The following CHMP3 variants were observed in gnomAD, a reference collection of about 807,000 sequenced individuals.
The protein encoded by CHMP3 is charged multivesicular body protein 3.
A neutral mutation model predicts 27.4 loss-of-function variants in CHMP3; 8 were observed. That is an observed-to-expected ratio of 0.29 (90% CI 0.17 to 0.53). CHMP3 has a LOEUF of 0.53. Among genes scored for constraint, CHMP3 ranks in the 20% least tolerant of loss-of-function variants. The probability of loss-of-function intolerance (pLI) is 0.96; values close to 1 mark genes in which losing one functional copy is unlikely to be tolerated. For synonymous variants in CHMP3, 86 were observed against 85.5 expected (o/e 1.01, Z -0.03); for missense variants, 208 against 271.5 (o/e 0.77, Z 1.64).
intron 3 of CHMP3, among the ~76,000 whole-genome samples, chr2:86,517,978 C>T (rs945720767): frequency 1.3e-5 from 2 of 152,138 alleles, no homozygotes; most frequent in African/African-American, 2.4e-5. Flanking sequence ...CATGATCACA[C>T]CACTGCACTC....
At chr2:86,535,353 T>C (rs1676084978) in intron 2 of CHMP3, among the ~76,000 whole-genome samples, 1 of 152,174 alleles carries the variant, frequency 6.6e-6, no homozygotes, top group Non-Finnish European at 1.5e-5. Context: ...TGTCCCTTAT[T>C]TCCTGCATTA....
chr2:86,551,131 T>C (rs1676889668), intron 1 of CHMP3, among the ~76,000 whole-genome samples: 1 of 152,214 alleles, frequency 6.6e-6, no homozygotes, highest in African/African-American at 2.4e-5. Context: ...TTAACTAATC[T>C]TAATTAATCC....
At chr2:86,512,794 T>C (rs1675154492) in intron 3 of CHMP3, among the ~76,000 whole-genome samples, 1 of 152,224 alleles carries the variant, frequency 6.6e-6, no homozygotes, top group Non-Finnish European at 1.5e-5. Context: ...ACATCTTATG[T>C]CATTTGGGGA....
rs1364842745 is a variant in CHMP3, at chr2:86,505,944, A to G, written c.529T>C (p.Leu177=). The G allele has an allele frequency of 1.9e-6, 3 of 1,561,474 alleles. No homozygotes were observed. The highest frequency in any genetic ancestry group is 1.2e-5 in the South Asian group (1 of 84,620). ...RILFEITAGA[L]GKAPSKVTDA... ...GTCACTTTACTGGGTGCTTTGCCCA[A>G]GGCCCCTGAAAAGAAAGAGCAAAGA... Residue 177 remains leucine (L), a synonymous_variant, in exon 6 of 6, where the codon TTG becomes CTG. Coordinates refer to ENST00000263856, the MANE Select transcript of CHMP3 (RefSeq NM_016079.4).
intron 1 of CHMP3, chr2:86,562,737 C>T (rs1677424125): frequency 6.6e-6 from 1 of 152,346 alleles, no homozygotes; most frequent in African/African-American, 2.4e-5. Flanking sequence ...CCAGAGCTAT[C>T]TTCTGTAACA....
chr2:86,507,797 T>C (rs540746115), intron 4 of CHMP3, among the ~76,000 whole-genome samples: 1 of 152,208 alleles, frequency 6.6e-6, no homozygotes, highest in African/African-American at 2.4e-5. Flanking sequence ...CTCTCTAAAT[T>C]TAACACCCTA....
rs752135260 is a variant in CHMP3 at position 86,507,621 on chromosome 2, T to G, written c.409-28A>C. 1.9e-6 allele frequency: 3 copies of G among 1,599,758 alleles called. No individual in the cohort carries two copies. In the East Asian group the frequency reaches 6.7e-5, roughly 36 times the overall value. ...AAACAGAATAAATATGTCACTTCGG[T>G]CAACTGTTAAATCTGTTCCCATCAG... On this transcript the variant is annotated intron_variant, in intron 4 of 5. Coordinates refer to ENST00000263856, the MANE Select transcript of CHMP3 (RefSeq NM_016079.4).
intron 2 of CHMP3, among the ~76,000 whole-genome samples, chr2:86,532,346 ATCTT>A: frequency 6.6e-6 from 1 of 152,160 alleles, no homozygotes; most frequent in African/African-American, 2.4e-5. Context: ...TTTTTGAAAA[ATCTT>A]TAGGGTATTA....
chr2:86,511,653 T>G (rs1261259280), intron 3 of CHMP3: 2 of 152,034 alleles, frequency 1.3e-5, no homozygotes, highest in Non-Finnish European at 2.9e-5. Context: ...CCATCCAGTT[T>G]TGTTTATAAA....
At chr2:86,514,778 C>T (rs1322784756) in intron 3 of CHMP3, among the ~76,000 whole-genome samples, 1 of 152,114 alleles carries the variant, frequency 6.6e-6, no homozygotes, top group Non-Finnish European at 1.5e-5. Context: ...AAGACTAGAG[C>T]ATTCAAAGTA....
chr2:86,526,199 AAG>A (rs1382874029), intron 3 of CHMP3, among the ~76,000 whole-genome samples: 1 of 152,256 alleles, frequency 6.6e-6, no homozygotes, highest in African/African-American at 2.4e-5. Context: ...TGTATGATAA[AAG>A]AGTTTTTGCA....
intron 5 of CHMP3, 66 bp from the exon 6 acceptor site, chr2:86,506,015 C>T: frequency 6.9e-7 from 1 of 1,443,956 alleles, no homozygotes; most frequent in Non-Finnish European, 9.2e-7. Flanking sequence ...ATCTTCCCTG[C>T]CTTTCATTCC....
chr2:86,515,905 C>T (rs1438365950), intron 3 of CHMP3, among the ~76,000 whole-genome samples: 4 of 151,862 alleles, frequency 2.6e-5, no homozygotes, highest in Non-Finnish European at 5.9e-5. Context: ...CCCCTGTAAT[C>T]CCAATACTTT....
chr2:86,531,175 T>G (rs1446806363), intron 2 of CHMP3, among the ~76,000 whole-genome samples: 1 of 151,944 alleles, frequency 6.6e-6, no homozygotes, highest in Non-Finnish European at 1.5e-5. Context: ...GTACAATTTT[T>G]CTTTTTCTTT....
intron 3 of CHMP3, among the ~76,000 whole-genome samples, chr2:86,524,466 C>G (rs896640157): frequency 2.6e-5 from 4 of 152,108 alleles, no homozygotes; most frequent in Non-Finnish European, 5.9e-5. Flanking sequence ...GTACCAAACA[C>G]GTATAAGCTT....
intron 1 of CHMP3, among the ~76,000 whole-genome samples, chr2:86,559,018 G>A (rs1677243419): frequency 6.6e-6 from 1 of 152,142 alleles, no homozygotes; most frequent in Non-Finnish European, 1.5e-5. Context: ...CAGCTGGGTT[G>A]AGGGATACCC....
intron 3 of CHMP3, among the ~76,000 whole-genome samples, chr2:86,514,718 C>T (rs751367495): frequency 1.3e-5 from 2 of 152,132 alleles, no homozygotes; most frequent in Non-Finnish European, 2.9e-5. Context: ...TAGAAAGTCC[C>T]AGAAAGCATG....
chr2:86,543,306 G>A (rs1453135759), intron 1 of CHMP3, among the ~76,000 whole-genome samples: 2 of 152,060 alleles, frequency 1.3e-5, no homozygotes, highest in African/African-American at 4.8e-5. Context: ...TATTTATTAT[G>A]CAACAACAAT....
chr2:86,505,976 C>T (rs759170373), intron 5 of CHMP3, 27 bp from the exon 6 acceptor site: 3 of 1,520,948 alleles, frequency 2.0e-6, no homozygotes, highest in African/African-American at 1.4e-5. Flanking sequence ...AAGATGAACA[C>T]CACATTGGCT....
Sources: allele counts gnomAD v4.1 joint callset (sites outside exome capture counted in the v4.1 genomes callset), GRCh38; gene constraint gnomAD v4.1.1; transcripts MANE v1.5; gene names NCBI Gene and HGNC (gene_info 2026-07-23, HGNC 2026-07-21).